Variants in DOCK5 observed in about 807,000 individuals in gnomAD.
DOCK5 encodes the protein dedicator of cytokinesis 5, also known as dedicator of cytokinesis protein 5.
A neutral mutation model predicts 251.8 loss-of-function variants in DOCK5; 142 were observed. The observed-to-expected ratio is 0.56, with a 90% CI of 0.49 to 0.65. The LOEUF is 0.65. DOCK5 is among the 30% of genes least tolerant of loss of function. The pLI is 0.00. For synonymous variants in DOCK5, 842 were observed against 835.5 expected, an observed-to-expected ratio of 1.01 and a Z score of -0.13; for missense variants, 2,111 against 2,312.3, an observed-to-expected ratio of 0.91 and a Z score of 1.79.
chr8:25,331,799 T>TAC lies in DOCK5; in HGVS notation c.1904-451_1904-450insCA, dbSNP rs1172468853. Among the ~76,000 whole-genome samples the TAC allele has an allele frequency of 1.0e-4, 5 of 49,010 alleles. No homozygotes were observed. In the Admixed American group the frequency reaches 1.3e-3, roughly 13 times the overall value. 32.2% of individuals were successfully genotyped at this position (49,010 alleles called of 152,430 possible). ...ATTAATGCATATATATATATATATATATAGAGAGAGAGAGAGAGAGAGAGA... is the reference window on the plus strand; with the variant it reads ...ATTAATGCATATATATATATATATATACATAGAGAGAGAGAGAGAGAGAGAGA... On this transcript the variant is annotated intron_variant, in intron 18 of 51. Coordinates refer to ENST00000276440, the MANE Select transcript of DOCK5 (RefSeq NM_024940.8).
Position 25,292,251 on chromosome 8 carries a change from C to T in DOCK5, c.470+79C>T, listed in dbSNP as rs59242684. 7.1e-4 allele frequency: 999 copies of T among 1,400,994 alleles called. 11 individuals are homozygous for T. In the African/African-American group the frequency reaches 0.012, roughly 17 times the overall value. The allele number at this position is 1,400,994 out of a possible 1,614,324, so 86.8% of individuals were successfully genotyped here. The stretch of plus-strand genomic sequence containing the variant: ...TTCACGCTAATGACACTGTTTGCAG[C>T]GACCTTTGATCTTAGAGTTGCCAAA... On this transcript the variant is annotated intron_variant, in intron 6 of 51. Coordinates refer to ENST00000276440, the MANE Select transcript of DOCK5 (RefSeq NM_024940.8).
At chr8:25,394,033 C>A (rs1801304188) in intron 44 of DOCK5, among the ~76,000 whole-genome samples, 1 of 152,068 alleles carries the variant, frequency 6.6e-6, no homozygotes, top group Non-Finnish European at 1.5e-5. Context: ...TCAAGACCAC[C>A]CTGGGCAACA....
chr8:25,392,294 A>G (rs1801274083), intron 43 of DOCK5, among the ~76,000 whole-genome samples: 1 of 133,946 alleles, frequency 7.5e-6, no homozygotes, highest in Admixed American at 8.1e-5. Context: ...ACAGAGCGAG[A>G]CTTCGTCTCA....
rs185631592 is a variant in DOCK5 at position 25,293,718 on chromosome 8, A to G, written c.470+1546A>G. 2.0e-3 allele frequency among the ~76,000 whole-genome samples: 311 copies of G among 152,292 alleles called. 2 individuals carry two copies. Among genetic ancestry groups the G allele is most frequent in the Non-Finnish European group, 3.3e-3 (222 of 68,024 alleles). On this transcript the variant is annotated intron_variant, in intron 6 of 51. Coordinates refer to ENST00000276440, the MANE Select transcript of DOCK5 (RefSeq NM_024940.8). ...TGTCAGAGGACTTATTAAAAGGCCA[A>G]TTAGGCCAGGTGAGGTTGCTCATGC...
chr8:25,237,494 A>G (rs1203626744), intron 1 of DOCK5, among the ~76,000 whole-genome samples: 10 of 152,232 alleles, frequency 6.6e-5, no homozygotes, highest in Admixed American at 5.9e-4. Flanking sequence ...TTCTTATTGC[A>G]TAATCCCAGG....
chr8:25,308,771 CT>C lies in DOCK5; in HGVS notation c.1050-11del. Reference sequence around the variant, plus strand: ...CCCCCTCCCACCTTACCTCTTATTTCTCTTTCCCAAGAATTGCGATGGAAAC... The same window carrying C: ...CCCCCTCCCACCTTACCTCTTATTTCCTTTCCCAAGAATTGCGATGGAAAC... On this transcript the variant is annotated splice_polypyrimidine_tract_variant and intron_variant, in intron 11 of 51. Transcript: ENST00000276440. 6.2e-7 allele frequency: 1 copy of C among 1,613,146 alleles called. No individual in the cohort carries two copies. Among genetic ancestry groups the C allele is most frequent in the South Asian group, 1.1e-5 (1 of 91,036 alleles).
chr8:25,359,052 A>C lies in DOCK5; in HGVS notation c.2940A>C (p.Gln980His), dbSNP rs1800629558. The C allele has an allele frequency of 1.2e-6, 2 of 1,613,948 alleles. No individual in the cohort carries two copies. The highest frequency in any genetic ancestry group is 1.7e-6 in the Non-Finnish European group (2 of 1,179,802). The change falls in exon 28 of 52, where the codon CAA becomes CAC. Residue 980 changes from glutamine to histidine, a missense_variant. Gln to His is a conservative substitution (Grantham distance 24). Around this residue, in one of 3 missense-constraint regions of DOCK5, gnomAD observed 1,717 missense variants for 1,892.4 expected, o/e 0.91. Transcript: ENST00000276440. ...ACATCAGCACTTTCAAAACCAGACA[A>C]GACATCATCGTAAGTTGCCTTTACT... ...SHYISTFKTR[Q>H]DIIDFLMETF... is the part of the protein sequence containing the mutation.
rs540246996 is a variant in DOCK5, at chr8:25,259,522, C to G, written c.128-9323C>G. Among the ~76,000 whole-genome samples, 4 of 152,286 alleles carry G rather than the reference C, an allele frequency of 2.6e-5. No homozygotes were observed. The South Asian group carries it at 6.2e-4, about 24-fold the overall frequency. On this transcript the variant is annotated intron_variant, in intron 2 of 51. Coordinates refer to ENST00000276440, the MANE Select transcript of DOCK5 (RefSeq NM_024940.8). ...CTAGGGTAGAACACAGTGGCACCAT[C>G]ATGACTTACTGCAGGCTCAACTTCC...
At chr8:25,359,828 T>C (rs2117265220) in intron 28 of DOCK5, among the ~76,000 whole-genome samples, 1 of 152,374 alleles carries the variant, frequency 6.6e-6, no homozygotes, top group Admixed American at 6.5e-5. Flanking sequence ...TATCTTCAGA[T>C]GAAAATATTT....
In DOCK5 at chr8:25,364,499, C is replaced by T. The variant is rs1586364904; in HGVS notation, c.3045-127C>T. The T allele has an allele frequency of 4.0e-5, 26 of 642,666 alleles. No individual in the cohort carries two copies. The East Asian group carries it at 7.3e-4, about 18-fold the overall frequency. 39.8% of individuals were successfully genotyped at this position (642,666 alleles called of 1,614,324 possible). On this transcript the variant is annotated intron_variant, in intron 29 of 51. Coordinates refer to ENST00000276440, the MANE Select transcript of DOCK5 (RefSeq NM_024940.8). ...GGTGTTATGCTGTTGTCTGCAAGGACACTGTTAGATTATGAGGTCTTATGA... is the reference window on the plus strand; with the variant it reads ...GGTGTTATGCTGTTGTCTGCAAGGATACTGTTAGATTATGAGGTCTTATGA...
At chr8:25,309,824 TA>T (rs569100726) in intron 12 of DOCK5, among the ~76,000 whole-genome samples, 14 of 145,964 alleles carry the variant, frequency 9.6e-5, no homozygotes, top group Non-Finnish European at 1.2e-4. Context: ...CTGTCTAAAA[TA>T]AAAAAAAAAG....
intron 4 of DOCK5, among the ~76,000 whole-genome samples, chr8:25,278,101 C>T (rs531121023): frequency 3.2e-4 from 49 of 152,238 alleles, no homozygotes; most frequent in African/African-American, 1.2e-3. Flanking sequence ...GGGGTGCTGC[C>T]TCCGTATCCC....
At chr8:25,338,938 T>C (rs1335800797) in intron 22 of DOCK5, among the ~76,000 whole-genome samples, 1 of 152,068 alleles carries the variant, frequency 6.6e-6, no homozygotes, top group African/African-American at 2.4e-5. Flanking sequence ...GGATGGTGAG[T>C]GTGGAAAACA....
chr8:25,275,524 T>TAAAGA, intron 4 of DOCK5, 83 bp downstream of exon 4: 1 of 1,339,982 alleles, frequency 7.5e-7, no homozygotes, highest in Non-Finnish European at 1.0e-6. Flanking sequence ...CATTAATGCC[T>TAAAGA]TATGTACGTT....
intron 1 of DOCK5, among the ~76,000 whole-genome samples, chr8:25,203,980 T>G (rs1452057459): frequency 6.6e-6 from 1 of 152,068 alleles, no homozygotes; most frequent in Non-Finnish European, 1.5e-5. Context: ...AACGTGTTCT[T>G]TCGTCTTAGA....
At chr8:25,385,642 A>G (rs773891996) in intron 40 of DOCK5, among the ~76,000 whole-genome samples, 3 of 152,192 alleles carry the variant, frequency 2.0e-5, no homozygotes, top group Non-Finnish European at 2.9e-5. Context: ...ATGGGAGCAG[A>G]GTCAAAACGA....
rs1284180813 is a variant in DOCK5, at chr8:25,317,127, T to C, written c.1439T>C (p.Leu480Ser). 6.2e-7 allele frequency: 1 copy of C among 1,613,422 alleles called. No individual in the cohort carries two copies. Among genetic ancestry groups the C allele is most frequent in the Non-Finnish European group, 8.5e-7 (1 of 1,179,538 alleles). Residue 480 changes from leucine to serine, a missense_variant, in exon 14 of 52, where the codon TTG becomes TCG. By Grantham distance (145) the Leu-to-Ser change is moderately radical. Around this residue, in one of 3 missense-constraint regions of DOCK5, gnomAD observed 1,717 missense variants for 1,892.4 expected, o/e 0.91. Transcript: ENST00000276440. ...MSVHDEEGKL[L>S]EKAIHPGAGY... ...GTGCACGATGAGGAGGGCAAGCTCT[T>C]GGAGGTGCGCGGCATGGCCCAGAAA... is the stretch of plus-strand genomic sequence containing the variant.
chr8:25,316,903 A>G, intron 13 of DOCK5, 104 bp from the exon 14 acceptor site: 1 of 1,441,412 alleles, frequency 6.9e-7, no homozygotes, highest in Non-Finnish European at 9.4e-7. Flanking sequence ...TTCAGTATAA[A>G]ACCAGACCAT....
At chr8:25,237,951 C>T (rs766099707) in intron 1 of DOCK5, among the ~76,000 whole-genome samples, 2 of 152,174 alleles carry the variant, frequency 1.3e-5, no homozygotes, top group Non-Finnish European at 2.9e-5. Flanking sequence ...GTCTTGAATC[C>T]GTTTTGCTTA....
Sources: allele counts gnomAD v4.1 joint callset (sites outside exome capture counted in the v4.1 genomes callset), GRCh38; gene constraint gnomAD v4.1.1; regional missense constraint gnomAD v4.1.1; transcripts MANE v1.5; gene names NCBI Gene and HGNC (gene_info 2026-07-23, HGNC 2026-07-21).